SORCS3: variants seen among roughly 807,000 people sequenced by gnomAD.
SORCS3 encodes VPS10 domain-containing receptor SorCS3.
A neutral mutation model predicts 146.3 loss-of-function variants in SORCS3; 57 were observed. The observed-to-expected ratio is 0.39, with a 90% CI of 0.31 to 0.49. The LOEUF (loss-of-function observed/expected upper bound fraction) is 0.49. Ranked by LOEUF, SORCS3 falls within the 20% of genes least tolerant of loss-of-function variation. SORCS3 has a pLI of 0.92. For missense variants in SORCS3, 1,341 were observed against 1,575.5 expected (o/e 0.85, Z 2.52); for synonymous variants, 653 against 618.5 (o/e 1.06, Z -0.83).
At chr10:104,849,881 A>G (rs923442100) in intron 2 of SORCS3, among the ~76,000 whole-genome samples, 3 of 152,164 alleles carry the variant, frequency 2.0e-5, no homozygotes, top group African/African-American at 7.2e-5. Flanking sequence ...GTGCATTTCT[A>G]CTTGAGAGAG....
intron 1 of SORCS3, among the ~76,000 whole-genome samples, chr10:104,645,896 G>A (rs1394141599): frequency 6.6e-6 from 1 of 152,088 alleles, no homozygotes; most frequent in Non-Finnish European, 1.5e-5. Context: ...GCTTTTGGCT[G>A]GATTGCTTGT....
At position 105,141,811 on chromosome 10, in the gene SORCS3, C is replaced by T. The variant is rs146211579; in HGVS notation, c.1302+2325C>T. 4.0e-3 allele frequency among the ~76,000 whole-genome samples: 603 copies of T among 152,294 alleles called. 2 individuals are homozygous for T. Among genetic ancestry groups the T allele is most frequent in the South Asian group, 8.9e-3 (43 of 4,830 alleles). ...GGGAGCAGGTAACCTAGGGAAAAGA[C>T]AGGTGAGCTTATGAGCAGAGACCCT... On this transcript the variant is annotated intron_variant, in intron 8 of 26. Transcript: ENST00000369701.
intron 16 of SORCS3, among the ~76,000 whole-genome samples, chr10:105,210,008 T>TTTA (rs1387345032): frequency 5.3e-5 from 8 of 152,176 alleles, no homozygotes; most frequent in East Asian, 3.9e-4. Context: ...TTTTAAGTTT[T>TTTA]TTATTATTAT....
At chr10:104,666,613 G>T (rs1372622474) in intron 1 of SORCS3, among the ~76,000 whole-genome samples, 1 of 152,028 alleles carries the variant, frequency 6.6e-6, no homozygotes, top group African/African-American at 2.4e-5. Context: ...GCTGTATTTT[G>T]TTTTATTTTA....
intron 5 of SORCS3, among the ~76,000 whole-genome samples, chr10:105,056,189 C>G (rs561126968): frequency 6.6e-6 from 1 of 152,282 alleles, no homozygotes; most frequent in African/African-American, 2.4e-5. Context: ...GGTCATATGT[C>G]TGGAGAGTAG....
chr10:104,924,463 A>T (rs2019118671), intron 3 of SORCS3, among the ~76,000 whole-genome samples: 1 of 152,236 alleles, frequency 6.6e-6, no homozygotes, highest in South Asian at 2.1e-4. Flanking sequence ...AGATATCCAC[A>T]GCCTCTCAGT....
Position 104,989,411 on chromosome 10 carries a change from A to G in SORCS3, c.954+11918A>G, listed in dbSNP as rs1371263327. Among the ~76,000 whole-genome samples the G allele has an allele frequency of 2.6e-5, 4 of 152,210 alleles. No homozygotes were observed. In the South Asian group the frequency reaches 6.2e-4, roughly 24 times the overall value. On this transcript the variant is annotated intron_variant, in intron 4 of 26. Transcript: ENST00000369701. ...GCATATTGTCCTTGTGAATTTGGGC[A>G]TAGGAATTTCAGAACTACCTGATTT...
intron 6 of SORCS3, among the ~76,000 whole-genome samples, chr10:105,091,852 G>T (rs1275526537): frequency 6.6e-6 from 1 of 152,200 alleles, no homozygotes; most frequent in African/African-American, 2.4e-5. Context: ...CAAATAGCCA[G>T]TCTCAGAAAA....
intron 4 of SORCS3, among the ~76,000 whole-genome samples, chr10:104,991,241 A>G (rs1445980368): frequency 6.6e-6 from 1 of 152,184 alleles, no homozygotes; most frequent in African/African-American, 2.4e-5. Context: ...GTGCTATAGC[A>G]AAGTACCACA....
intron 14 of SORCS3, 21 bp from the exon 15 acceptor site, chr10:105,199,978 A>G (rs745537931): frequency 6.3e-7 from 1 of 1,585,918 alleles, no homozygotes; most frequent in South Asian, 1.1e-5. Context: ...TGTGTCTCCC[A>G]CTCCTCCCCT....
chr10:105,108,918 T>A (rs1010570054), intron 7 of SORCS3, among the ~76,000 whole-genome samples: 4 of 152,198 alleles, frequency 2.6e-5, no homozygotes, highest in Non-Finnish European at 4.4e-5. Context: ...GTTTGGCCAT[T>A]TGCATTGACA....
At chr10:104,932,388 A>G (rs1228680235) in intron 3 of SORCS3, among the ~76,000 whole-genome samples, 1 of 152,178 alleles carries the variant, frequency 6.6e-6, no homozygotes, top group Non-Finnish European at 1.5e-5. Flanking sequence ...GGCCTGAACT[A>G]TCAACCCCTG....
chr10:105,168,807 T>C (rs1432967669), intron 13 of SORCS3, among the ~76,000 whole-genome samples: 2 of 152,190 alleles, frequency 1.3e-5, no homozygotes, highest in African/African-American at 4.8e-5. Flanking sequence ...ACCTAGCTTA[T>C]AGTGAAATAG....
intron 11 of SORCS3, among the ~76,000 whole-genome samples, chr10:105,160,382 G>T (rs1288453616): frequency 6.6e-6 from 1 of 152,236 alleles, no homozygotes; most frequent in Non-Finnish European, 1.5e-5. Flanking sequence ...ATTCCAGCAT[G>T]TTGGGAGGCC....
chr10:105,056,928 T>C (rs959140001), intron 5 of SORCS3, among the ~76,000 whole-genome samples: 10 of 152,234 alleles, frequency 6.6e-5, no homozygotes, highest in African/African-American at 2.4e-4. Flanking sequence ...ATGACTATTT[T>C]ACATCTTTTA....
At chr10:104,919,479 T>C (rs1410264392) in intron 3 of SORCS3, among the ~76,000 whole-genome samples, 1 of 151,836 alleles carries the variant, frequency 6.6e-6, no homozygotes, top group Admixed American at 6.6e-5. Context: ...TCACCTGAGG[T>C]CGGGAGTTCG....
intron 1 of SORCS3, among the ~76,000 whole-genome samples, chr10:104,668,572 G>A (rs533062778): frequency 2.2e-4 from 34 of 152,268 alleles, no homozygotes; most frequent in African/African-American, 6.7e-4. Context: ...TTCAGATTCA[G>A]TGAGATACAC....
intron 4 of SORCS3, among the ~76,000 whole-genome samples, chr10:105,012,895 C>T (rs2055143322): frequency 6.6e-6 from 1 of 151,424 alleles, no homozygotes; most frequent in South Asian, 2.1e-4. Context: ...TATTCATGGT[C>T]ATATCATTAC....
chr10:104,722,381 A>G lies in SORCS3; in HGVS notation c.627+80427A>G, dbSNP rs1158069025. Among the ~76,000 whole-genome samples, 3 of 152,288 alleles carry G rather than the reference A, an allele frequency of 2.0e-5. No homozygotes were observed. The East Asian group carries it at 5.8e-4, about 29-fold the overall frequency. On this transcript the variant is annotated intron_variant, in intron 1 of 26. Transcript: ENST00000369701. ...GATGTGCTGCTGGATTCAGTTTGCCAATATTTTATTGAGGATTTTTGCATC... is the reference window on the plus strand; with the variant it reads ...GATGTGCTGCTGGATTCAGTTTGCCGATATTTTATTGAGGATTTTTGCATC...
Sources: allele counts gnomAD v4.1 joint callset (sites outside exome capture counted in the v4.1 genomes callset), GRCh38; gene constraint gnomAD v4.1.1; transcripts MANE v1.5; gene names NCBI Gene and HGNC (gene_info 2026-07-23, HGNC 2026-07-21).